NDP: variants seen among roughly 807,000 people sequenced by gnomAD.
The protein encoded by NDP is norrin.
NDP carries 2 observed loss-of-function variants against 8.4 expected under a neutral mutation model. The ratio of observed to expected loss-of-function variants is 0.24; its 90% CI spans 0.10 to 0.75. NDP has a LOEUF of 0.75. Among genes scored for constraint, NDP ranks in the 30% least tolerant of loss-of-function variants. The probability of loss-of-function intolerance (pLI) is 0.73; values close to 1 mark genes in which losing one functional copy is unlikely to be tolerated. For synonymous variants in NDP, 55 were observed against 45.6 expected (o/e 1.21, Z -0.83); for missense variants, 81 against 110.1 (o/e 0.74, Z 1.18).
chrX:43,959,513 C>T (rs1055312697), intron 1 of NDP, among the ~76,000 whole-genome samples: 2 of 112,429 alleles, frequency 1.8e-5, no homozygotes, highest in African/African-American at 6.5e-5. Flanking sequence ...CCAACAGAGT[C>T]ACATTTCTGC....
chrX:43,962,142 A>G (rs2035829812), intron 1 of NDP, among the ~76,000 whole-genome samples: 1 of 111,839 alleles, frequency 8.9e-6, no homozygotes, highest in Non-Finnish European at 1.9e-5. Flanking sequence ...AAAACGTGAG[A>G]GTTGTTGCCC....
intron 2 of NDP, among the ~76,000 whole-genome samples, chrX:43,952,812 A>C (rs1476574064): frequency 1.8e-5 from 2 of 111,576 alleles, no homozygotes; most frequent in African/African-American, 3.3e-5. Context: ...TCAGAATAAA[A>C]TCCAAAATCT....
chrX:43,964,558 G>A (rs1164171359), intron 1 of NDP, among the ~76,000 whole-genome samples: 1 of 110,693 alleles, frequency 9.0e-6, no homozygotes, highest in Non-Finnish European at 1.9e-5. Flanking sequence ...ACATCTCATT[G>A]TTATCCAAAC....
intron 1 of NDP, chrX:43,960,995 G>A (rs778603439): frequency 6.2e-5 from 7 of 112,297 alleles, no homozygotes; most frequent in Non-Finnish European, 1.1e-4. Context: ...TGTATGCATC[G>A]TTGTATTTAT....
chrX:43,953,808 C>G (rs1217012838), intron 2 of NDP, among the ~76,000 whole-genome samples: 1 of 112,954 alleles, frequency 8.9e-6, no homozygotes, highest in Non-Finnish European at 1.9e-5. Flanking sequence ...ATACCTGCCT[C>G]CTGATACCAT....
At chrX:43,959,164 C>A (rs1176811652) in intron 1 of NDP, among the ~76,000 whole-genome samples, 2 of 111,620 alleles carry the variant, frequency 1.8e-5, no homozygotes, top group South Asian at 3.8e-4. Flanking sequence ...GTTCTGGCAA[C>A]AACGTAACCG....
chrX:43,951,833 C>A (rs1458066111), intron 2 of NDP, among the ~76,000 whole-genome samples: 1 of 111,408 alleles, frequency 9.0e-6, no homozygotes, highest in Non-Finnish European at 1.9e-5. Flanking sequence ...TTGGACTAGA[C>A]CAGTGAATTT....
At chrX:43,971,040 CT>C (rs1362624810) in intron 1 of NDP, among the ~76,000 whole-genome samples, 1 of 111,826 alleles carries the variant, frequency 8.9e-6, no homozygotes, top group Non-Finnish European at 1.9e-5. Flanking sequence ...TCAAGTAAAT[CT>C]AGAAACCAGT....
At chrX:43,956,263 G>A (rs2035792272) in intron 2 of NDP, among the ~76,000 whole-genome samples, 2 of 111,863 alleles carry the variant, frequency 1.8e-5, no homozygotes, top group Non-Finnish European at 3.8e-5. Flanking sequence ...GCCAGATAAT[G>A]GATAAATGTG....
intron 2 of NDP, among the ~76,000 whole-genome samples, chrX:43,957,135 C>T: frequency 8.9e-6 from 1 of 111,855 alleles, no homozygotes; most frequent in Non-Finnish European, 1.9e-5. Context: ...AATAAAATCA[C>T]TAAATATTCA....
At chrX:43,969,794 C>T (rs1569247974) in intron 1 of NDP, among the ~76,000 whole-genome samples, 2 of 111,752 alleles carry the variant, frequency 1.8e-5, no homozygotes, top group East Asian at 5.7e-4. Context: ...AGCAAAGAGC[C>T]AGCTGACAAA....
intron 1 of NDP, among the ~76,000 whole-genome samples, chrX:43,970,396 G>A (rs1487166206): frequency 2.7e-5 from 3 of 112,408 alleles, no homozygotes; most frequent in African/African-American, 9.7e-5. Flanking sequence ...TGGCCAAGAA[G>A]CTGAGGGCTG....
intron 1 of NDP, among the ~76,000 whole-genome samples, chrX:43,968,614 G>A (rs2035872502): frequency 1.8e-5 from 2 of 112,547 alleles, no homozygotes; most frequent in South Asian, 7.4e-4. Flanking sequence ...CATTGCCACT[G>A]GCAGGGGCAG....
At position 43,973,098 on chromosome X, in the gene NDP, G is replaced by C. The variant is rs1159223; in HGVS notation, c.-208+206C>G. Among the ~76,000 whole-genome samples the C allele has an allele frequency of 0.33, 37,280 of 111,906 alleles. 4,754 individuals carry two copies. The highest frequency in any genetic ancestry group is 0.45 in the African/African-American group (13,760 of 30,734). ...CAAAAGATATTTTCAAGCTTTTCTA[G>C]GAGGCTCCCTGCTCTGTCACAGACT... On this transcript the variant is annotated intron_variant, in intron 1 of 2. Coordinates refer to ENST00000642620, the MANE Select transcript of NDP (RefSeq NM_000266.4).
rs369710329 is a variant in NDP at position 43,950,071 on chromosome X, C to T, written c.175-45G>A. ...TGGTTACTCTGTGGGCATGCCACAA[C>T]CTTAGCCAGGTAAAACAGCATCTTT... On this transcript the variant is annotated intron_variant, in intron 2 of 2. Coordinates refer to ENST00000642620, the MANE Select transcript of NDP (RefSeq NM_000266.4). 1.7e-5 allele frequency: 18 copies of T among 1,090,687 alleles called. No homozygotes were observed. The African/African-American group carries it at 3.3e-4, about 20-fold the overall frequency. 89.9% of individuals were successfully genotyped at this position (1,090,687 alleles called of 1,213,427 possible).
chrX:43,951,941 T>C (rs1280564236), intron 2 of NDP, among the ~76,000 whole-genome samples: 1 of 112,475 alleles, frequency 8.9e-6, no homozygotes, highest in Non-Finnish European at 1.9e-5. Context: ...TGCTCTTCAT[T>C]TTGACAGGCA....
chrX:43,968,582 G>A (rs1052934834), intron 1 of NDP, among the ~76,000 whole-genome samples: 2 of 112,506 alleles, frequency 1.8e-5, no homozygotes, highest in African/African-American at 6.5e-5. Context: ...GATGGGCGAG[G>A]AGTGGATACT....
intron 1 of NDP, among the ~76,000 whole-genome samples, chrX:43,968,425 T>G (rs1271331522): frequency 8.9e-6 from 1 of 112,902 alleles, no homozygotes; most frequent in African/African-American, 3.2e-5. Flanking sequence ...TGTGTGAATT[T>G]GCAGCATGCA....
intron 1 of NDP, among the ~76,000 whole-genome samples, chrX:43,966,310 G>A (rs1326401316): frequency 1.8e-5 from 2 of 111,624 alleles, no homozygotes; most frequent in Non-Finnish European, 3.8e-5. Flanking sequence ...ATTAAAGTAG[G>A]GAGAGAGCAG....
Sources: gnomAD v4.1 joint callset for allele counts (sites outside exome capture counted in the v4.1 genomes callset) on GRCh38, gnomAD v4.1.1 for gene constraint, MANE v1.5 for transcripts, NCBI Gene and HGNC (gene_info 2026-07-23, HGNC 2026-07-21) for gene names.